Variants in SORCS2 observed in about 807,000 individuals in gnomAD.
SORCS2 encodes sortilin related VPS10 domain containing receptor 2, also known as VPS10 domain-containing receptor SorCS2.
In SORCS2, 100 loss-of-function variants were observed where a neutral mutation model predicts 141.6. The observed-to-expected ratio is 0.71, with a 90% CI of 0.60 to 0.83. The LOEUF (loss-of-function observed/expected upper bound fraction) is 0.83, where lower values mean the gene tolerates loss of function less well. SORCS2 is among the 40% of genes least tolerant of loss of function. The probability of loss-of-function intolerance (pLI) is 0.00; values close to 1 mark genes in which losing one functional copy is unlikely to be tolerated. For missense variants in SORCS2, 1,646 were observed against 1,560.2 expected (o/e 1.05, Z -0.93); for synonymous variants, 789 against 676.9 (o/e 1.17, Z -2.57).
At chr4:7,307,529 G>T (rs544263578) in intron 1 of SORCS2, among the ~76,000 whole-genome samples, 1 of 152,354 alleles carries the variant, frequency 6.6e-6, no homozygotes, top group African/African-American at 2.4e-5. Context: ...GTGGGGAAGG[G>T]CAGCAGAGCC....
intron 3 of SORCS2, among the ~76,000 whole-genome samples, chr4:7,532,112 G>C (rs1711709787): frequency 6.6e-6 from 1 of 152,174 alleles, no homozygotes; most frequent in African/African-American, 2.4e-5. Context: ...TCTCTGGCTG[G>C]CTGTACAATA....
intron 8 of SORCS2, among the ~76,000 whole-genome samples, chr4:7,673,929 T>C (rs1023303059): frequency 1.3e-5 from 2 of 152,166 alleles, no homozygotes; most frequent in Admixed American, 6.5e-5. Context: ...CCCAGGCTGG[T>C]GGACAAACCT....
At chr4:7,472,614 C>T (rs931823274) in intron 2 of SORCS2, among the ~76,000 whole-genome samples, 2 of 152,150 alleles carry the variant, frequency 1.3e-5, no homozygotes, top group African/African-American at 4.8e-5. Flanking sequence ...CCGAATGTTT[C>T]TTTCACACAC....
intron 1 of SORCS2, among the ~76,000 whole-genome samples, chr4:7,301,810 A>C (rs1717451600): frequency 6.6e-6 from 1 of 152,210 alleles, no homozygotes; most frequent in South Asian, 2.1e-4. Flanking sequence ...TTTCTGGATT[A>C]CATTCTCCTG....
chr4:7,423,047 C>T (rs1254238392), intron 2 of SORCS2, among the ~76,000 whole-genome samples: 2 of 150,002 alleles, frequency 1.3e-5, no homozygotes, highest in Non-Finnish European at 3.0e-5. Flanking sequence ...GCTCATCCCT[C>T]CCAGGGAACT....
chr4:7,363,421 A>G (rs572832927), intron 1 of SORCS2, among the ~76,000 whole-genome samples: 2 of 145,824 alleles, frequency 1.4e-5, no homozygotes, highest in Admixed American at 1.3e-4. Context: ...ATAACTGTGC[A>G]TCACCATTAT....
At chr4:7,587,684 G>A (rs746621663) in intron 3 of SORCS2, among the ~76,000 whole-genome samples, 1 of 152,130 alleles carries the variant, frequency 6.6e-6, no homozygotes, top group Non-Finnish European at 1.5e-5. Context: ...GAGGTAGGGG[G>A]CACAGCTGCA....
intron 3 of SORCS2, among the ~76,000 whole-genome samples, chr4:7,631,230 C>T (rs560036957): frequency 2.6e-5 from 4 of 151,544 alleles, no homozygotes; most frequent in African/African-American, 9.7e-5. Flanking sequence ...GAAGAGTCAC[C>T]GCTGGCTCCT....
intron 1 of SORCS2, among the ~76,000 whole-genome samples, chr4:7,281,700 G>A (rs141549326): frequency 2.7e-3 from 412 of 152,290 alleles, no homozygotes; most frequent in Middle Eastern, 3.4e-3. Context: ...ATGGCAGCCT[G>A]GGGGCCGCAG....
chr4:7,705,179 G>A (rs566948516), intron 14 of SORCS2, among the ~76,000 whole-genome samples: 4 of 152,212 alleles, frequency 2.6e-5, no homozygotes, highest in South Asian at 2.1e-4. Context: ...GGAGGAGGCC[G>A]GGGAGGGAGG....
At chr4:7,395,286 G>A (rs912361196) in intron 1 of SORCS2, among the ~76,000 whole-genome samples, 2 of 152,198 alleles carry the variant, frequency 1.3e-5, no homozygotes, top group Admixed American at 1.3e-4. Context: ...TGCTTCCACG[G>A]AGGAGCCCGA....
chr4:7,397,877 G>A (rs16840236), intron 2 of SORCS2, among the ~76,000 whole-genome samples: 6,672 of 152,230 alleles, frequency 0.044, 247 homozygotes, highest in South Asian at 0.14. Flanking sequence ...TCCAGCAAAG[G>A]CCCTCAGTTA....
At chr4:7,550,980 A>T (rs1485204505) in intron 3 of SORCS2, among the ~76,000 whole-genome samples, 1 of 152,186 alleles carries the variant, frequency 6.6e-6, no homozygotes, top group Non-Finnish European at 1.5e-5. Flanking sequence ...CTCATTTCAA[A>T]GCCAGGCTTG....
rs77046744 is a variant in SORCS2 at position 7,648,932 on chromosome 4, G to A, written c.814-5202G>A. 0.043 allele frequency among the ~76,000 whole-genome samples: 6,558 copies of A among 152,212 alleles called. 472 individuals are homozygous for A. Among genetic ancestry groups the A allele is most frequent in the African/African-American group, 0.15 (6,130 of 41,484 alleles). ...AGGCCAGAGAACCAGAGTTCTGAGC[G>A]TAGCATGAGGGGACACGCCTGGGGA... On this transcript the variant is annotated intron_variant, in intron 4 of 26. Transcript: ENST00000507866. The surrounding 1 kb of genome is among the most constrained non-coding windows in gnomAD (Gnocchi z 4.2).
At chr4:7,586,285 T>C (rs1716531955) in intron 3 of SORCS2, among the ~76,000 whole-genome samples, 1 of 152,220 alleles carries the variant, frequency 6.6e-6, no homozygotes, top group Admixed American at 6.5e-5. Flanking sequence ...TTCTACGTTT[T>C]CATTCTGCCT....
At chr4:7,573,050 C>A (rs1715502909) in intron 3 of SORCS2, among the ~76,000 whole-genome samples, 1 of 152,322 alleles carries the variant, frequency 6.6e-6, no homozygotes, top group South Asian at 2.1e-4. Flanking sequence ...AATGGACAAG[C>A]TGCGTGTGTT....
chr4:7,383,243 C>T (rs1169163004), intron 1 of SORCS2, among the ~76,000 whole-genome samples: 1 of 152,176 alleles, frequency 6.6e-6, no homozygotes, highest in African/African-American at 2.4e-5. Context: ...CCTCTACCTT[C>T]CTGACAATTC....
At position 7,532,021 on chromosome 4, in the gene SORCS2, G is replaced by A. The variant is rs570893719; in HGVS notation, c.648+392G>A. Among the ~76,000 whole-genome samples the A allele has an allele frequency of 2.4e-4, 37 of 152,340 alleles. No homozygotes were observed. The South Asian group carries it at 7.7e-3, about 32-fold the overall frequency. ...GCCCGTTCTTCGGAAGTTAGTTGTT[G>A]ATCCGGTTTTGATTATGCTATGATT... On this transcript the variant is annotated intron_variant, in intron 3 of 26. Transcript: ENST00000507866.
At chr4:7,266,620 C>T (rs926210503) in intron 1 of SORCS2, among the ~76,000 whole-genome samples, 7 of 152,194 alleles carry the variant, frequency 4.6e-5, no homozygotes, top group African/African-American at 1.2e-4. Flanking sequence ...TCAAGCACTC[C>T]GGTGGTTTCC....
Sources: gnomAD v4.1 joint callset for allele counts (sites outside exome capture counted in the v4.1 genomes callset) on GRCh38, gnomAD v4.1.1 for gene constraint, Gnocchi (gnomAD v3.1) non-coding constraint, MANE v1.5 for transcripts, NCBI Gene and HGNC (gene_info 2026-07-23, HGNC 2026-07-21) for gene names.